Variants in TBC1D31 observed in about 807,000 individuals in gnomAD.
TBC1D31 encodes the protein TBC1 domain family member 31.
In TBC1D31, 99 loss-of-function variants were observed where a neutral mutation model predicts 132.9. That is an observed-to-expected ratio of 0.74 (90% confidence interval 0.63 to 0.88). The LOEUF is 0.88. Ranked by LOEUF, TBC1D31 falls within the 40% of genes least tolerant of loss-of-function variation. The probability of loss-of-function intolerance (pLI) is 0.00; values close to 1 mark genes in which losing one functional copy is unlikely to be tolerated. For synonymous variants in TBC1D31, 385 were observed against 419.4 expected (o/e 0.92, Z 1.00); for missense variants, 1,134 against 1,256.6 (o/e 0.90, Z 1.48).
At chr8:123,146,747 C>T (rs1477675007) in intron 20 of TBC1D31, among the ~76,000 whole-genome samples, 1 of 151,856 alleles carries the variant, frequency 6.6e-6, no homozygotes, top group Non-Finnish European at 1.5e-5. Flanking sequence ...TGCAGTGGCA[C>T]GATCTTGGCT....
intron 10 of TBC1D31, among the ~76,000 whole-genome samples, chr8:123,113,075 G>A (rs1358812684): frequency 6.6e-6 from 1 of 152,168 alleles, no homozygotes; most frequent in African/African-American, 2.4e-5. Context: ...ATGATTTTGT[G>A]CATTCTTCTG....
intron 20 of TBC1D31, among the ~76,000 whole-genome samples, chr8:123,145,722 A>T (rs1431761729): frequency 6.6e-6 from 1 of 151,598 alleles, no homozygotes; most frequent in Non-Finnish European, 1.5e-5. Context: ...TCCAAAAATT[A>T]TAGAGTACAG....
intron 17 of TBC1D31, among the ~76,000 whole-genome samples, chr8:123,134,681 A>G (rs1820919887): frequency 1.3e-5 from 2 of 152,170 alleles, no homozygotes; most frequent in Admixed American, 1.3e-4. Context: ...CTGAATGTAC[A>G]GTTTGTTGTA....
chr8:123,109,401 A>C lies in TBC1D31; in HGVS notation c.1289+5A>C, dbSNP rs541610607. 65 of 1,608,996 alleles carry C rather than the reference A, an allele frequency of 4.0e-5. No homozygotes were observed. In the South Asian group the frequency reaches 7.1e-4, roughly 17 times the overall value. ...TGAATATCCAACAAAATACAGGTACAATTTAAATTCTGTATGTTACATCAG... is the reference window on the plus strand; with the variant it reads ...TGAATATCCAACAAAATACAGGTACCATTTAAATTCTGTATGTTACATCAG... On this transcript the variant is annotated splice_donor_5th_base_variant and intron_variant, in intron 9 of 21. Transcript: ENST00000287380.
chr8:123,128,341 C>T lies in TBC1D31; in HGVS notation c.1945C>T (p.Leu649Phe), dbSNP rs749043279. The T allele has an allele frequency of 8.1e-6, 13 of 1,613,490 alleles. No homozygotes were observed. Among genetic ancestry groups the T allele is most frequent in the Non-Finnish European group, 1.1e-5 (13 of 1,179,596 alleles). Residue 649 changes from leucine to phenylalanine, a missense_variant, in exon 14 of 22, where the codon CTC becomes TTC. Physicochemically the swap from Leu to Phe is conservative, Grantham distance 22 (BLOSUM62 0). Coordinates refer to ENST00000287380, the MANE Select transcript of TBC1D31 (RefSeq NM_145647.4). ...INVVIRQVYHLMETTPTDIHP... is the reference protein window; with the variant it reads ...INVVIRQVYHFMETTPTDIHP... ...TGTTGTGATTAGACAAGTTTATCAT[C>T]TCATGGAGACCACGCCTACTGACAT...
In TBC1D31 at chr8:123,084,222, T is replaced by C; in HGVS notation, c.401T>C (p.Val134Ala). ...GHESSVFSIS[V>A]HASGKYAITT... ...GAATCATCAGTATTTTCGATCTCTG[T>C]GCATGCATCAGGGAAATATGCCATC... The change falls in exon 4 of 22, where the codon GTG becomes GCG. Residue 134 changes from valine (V) to alanine (A), a missense_variant. Physicochemically the swap from Val to Ala is moderately conservative, Grantham distance 64. Coordinates refer to ENST00000287380, the MANE Select transcript of TBC1D31 (RefSeq NM_145647.4). The C allele has an allele frequency of 5.6e-6, 9 of 1,614,218 alleles. No homozygotes were observed. Among genetic ancestry groups the C allele is most frequent in the Non-Finnish European group, 6.8e-6 (8 of 1,180,034 alleles).
intron 17 of TBC1D31, among the ~76,000 whole-genome samples, chr8:123,137,034 T>G (rs927478869): frequency 6.6e-6 from 1 of 152,230 alleles, no homozygotes; most frequent in South Asian, 2.1e-4. Flanking sequence ...AAAGAAATTA[T>G]GTCCCAGAAA....
Position 123,124,677 on chromosome 8 carries a change from C to T in TBC1D31, c.1571-1379C>T, listed in dbSNP as rs974227186. On this transcript the variant is annotated intron_variant, in intron 11 of 21. Coordinates refer to ENST00000287380, the MANE Select transcript of TBC1D31 (RefSeq NM_145647.4). ...GCGCAGCGGCTCACACCTGTAATCC[C>T]AGCACTTGGGATGGCCAAGGTGGGT... 9.6e-4 allele frequency among the ~76,000 whole-genome samples: 146 copies of T among 151,904 alleles called. 1 individual carries two copies. The highest frequency in any genetic ancestry group is 4.2e-4 in the South Asian group (2 of 4,814).
At chr8:123,117,595 A>C (rs1359336301) in intron 10 of TBC1D31, among the ~76,000 whole-genome samples, 3 of 151,154 alleles carry the variant, frequency 2.0e-5, no homozygotes, top group Admixed American at 6.6e-5. Context: ...TCTACTAAAA[A>C]TACAAAAATT....
intron 6 of TBC1D31, among the ~76,000 whole-genome samples, chr8:123,100,120 C>CCCTGTATATG (rs1817237480): frequency 6.6e-6 from 1 of 152,098 alleles, no homozygotes; most frequent in Non-Finnish European, 1.5e-5. Context: ...TTGTCTAATC[C>CCCTGTATATG]TCTCTGTCCC....
chr8:123,155,182 G>A (rs903987102), downstream of TBC1D31, among the ~76,000 whole-genome samples: 1 of 152,114 alleles, frequency 6.6e-6, no homozygotes, highest in African/African-American at 2.4e-5. This position sits in a 1 kb window ranked among gnomAD's most constrained non-coding sequence, Gnocchi z 4.1. Flanking sequence ...TGTAGGGGTG[G>A]ATTGATCACA....
intron 19 of TBC1D31, among the ~76,000 whole-genome samples, chr8:123,143,662 T>C (rs540627266): frequency 6.6e-6 from 1 of 152,304 alleles, no homozygotes; most frequent in Admixed American, 6.5e-5. Context: ...ATTTTCCTCC[T>C]ACCCCATCCC....
chr8:123,103,132 C>T (rs1014061292), intron 7 of TBC1D31: 2 of 152,142 alleles, frequency 1.3e-5, no homozygotes, highest in East Asian at 1.9e-4. Context: ...ATTCACTAAT[C>T]GAGTGTTCAT....
At chr8:123,086,249 A>T (rs1266571523) in intron 4 of TBC1D31, among the ~76,000 whole-genome samples, 2 of 152,122 alleles carry the variant, frequency 1.3e-5, no homozygotes, top group Non-Finnish European at 2.9e-5. Context: ...AGTCAAATCT[A>T]ACCCTTTCTT....
intron 6 of TBC1D31, among the ~76,000 whole-genome samples, chr8:123,098,198 A>G (rs1817020591): frequency 6.6e-6 from 1 of 152,110 alleles, no homozygotes; most frequent in South Asian, 2.1e-4. Context: ...ACGCCTTTCT[A>G]CCATTTGTCT....
chr8:123,133,224 A>T (rs1333961451), intron 16 of TBC1D31, among the ~76,000 whole-genome samples: 11 of 152,364 alleles, frequency 7.2e-5, no homozygotes, highest in Middle Eastern at 3.4e-3. Flanking sequence ...CTGAAAATTC[A>T]TAAGCAAAAG....
Position 123,150,044 on chromosome 8 carries a change from A to G in TBC1D31, c.2983A>G (p.Arg995Gly). Reference sequence around the variant, plus strand: ...CCTCACTTTTATAACAGAAGAACCCAGGTTCCAAAATGAACAGGACTCAAG... The same window carrying G: ...CCTCACTTTTATAACAGAAGAACCCGGGTTCCAAAATGAACAGGACTCAAG... ...AENPCHKEEP[R>G]FQNEQDSSCL... is the part of the protein sequence containing the mutation. The change falls in exon 21 of 22, where the codon AGG becomes GGG. Residue 995 changes from arginine (R) to glycine (G), a missense_variant. Physicochemically the swap from Arg to Gly is moderately radical, Grantham distance 125. Coordinates refer to ENST00000287380, the MANE Select transcript of TBC1D31 (RefSeq NM_145647.4). 2 of 1,613,794 alleles carry G rather than the reference A, an allele frequency of 1.2e-6. No homozygotes were observed.
At chr8:123,128,920 C>A in intron 14 of TBC1D31, 146 bp from the exon 15 acceptor site, 1 of 557,638 alleles carries the variant, frequency 1.8e-6, no homozygotes. Context: ...TGTGTAAAAT[C>A]AGAGTTTGAA....
At position 123,093,603 on chromosome 8, in the gene TBC1D31, C is replaced by T; in HGVS notation, c.532C>T (p.Pro178Ser). The T allele has an allele frequency of 4.4e-6, 7 of 1,602,180 alleles. No homozygotes were observed. The highest frequency in any genetic ancestry group is 6.0e-6 in the Non-Finnish European group (7 of 1,172,392). The stretch of plus-strand genomic sequence containing the variant: ...TATTCCTCCTTAGGTTTTCTTTCTA[C>T]CATTAAGTAATACCATCCTCAGCTG... ...SVGIQKVFFL[P>S]LSNTILSCFK... is the part of the protein sequence containing the mutation. The change falls in exon 5 of 22, where the codon CCA becomes TCA. Residue 178 changes from proline (P) to serine (S), a missense_variant. Coordinates refer to ENST00000287380, the MANE Select transcript of TBC1D31 (RefSeq NM_145647.4).
Sources: gnomAD v4.1 joint callset for allele counts (sites outside exome capture counted in the v4.1 genomes callset) on GRCh38, gnomAD v4.1.1 for gene constraint, Gnocchi (gnomAD v3.1) non-coding constraint, MANE v1.5 for transcripts, NCBI Gene and HGNC (gene_info 2026-07-23, HGNC 2026-07-21) for gene names.